The following KCNN3 variants were observed in gnomAD, a reference collection of about 807,000 sequenced individuals.
KCNN3 encodes the protein small conductance calcium-activated potassium channel protein 3.
In KCNN3, 16 loss-of-function variants were observed where a neutral mutation model predicts 62.9. The observed-to-expected ratio is 0.25, with a 90% CI of 0.17 to 0.39. The LOEUF (loss-of-function observed/expected upper bound fraction) is 0.39, where lower values mean the gene tolerates loss of function less well. Among genes scored for constraint, KCNN3 ranks in the 10% least tolerant of loss-of-function variants. KCNN3 has a pLI of 1.00. For missense variants in KCNN3, 599 were observed against 949.4 expected (o/e 0.63, Z 4.85); for synonymous variants, 370 against 389.2 (o/e 0.95, Z 0.58).
intron 2 of KCNN3, among the ~76,000 whole-genome samples, chr1:154,797,163 A>C (rs941453988): frequency 5.9e-5 from 9 of 152,342 alleles, no homozygotes; most frequent in African/African-American, 2.2e-4. Context: ...GACAGCAGTG[A>C]GGCTGGGCTC....
intron 1 of KCNN3, among the ~76,000 whole-genome samples, chr1:154,863,604 C>A (rs1406238093): frequency 6.6e-6 from 1 of 152,208 alleles, no homozygotes; most frequent in Non-Finnish European, 1.5e-5. Context: ...CATCCAGGCC[C>A]CAGATTCTCT....
intron 3 of KCNN3, among the ~76,000 whole-genome samples, chr1:154,761,974 A>G (rs1648038893): frequency 1.3e-5 from 2 of 150,910 alleles, no homozygotes; most frequent in South Asian, 4.2e-4. Context: ...CAAACAAACA[A>G]ACAAACAAAA....
chr1:154,759,819 G>C (rs750376746), intron 3 of KCNN3, among the ~76,000 whole-genome samples: 2 of 152,122 alleles, frequency 1.3e-5, no homozygotes, highest in Non-Finnish European at 2.9e-5. Context: ...AAATAATTTG[G>C]AATAATTTGG....
chr1:154,791,273 G>C (rs1571279825), intron 2 of KCNN3, among the ~76,000 whole-genome samples: 1 of 146,966 alleles, frequency 6.8e-6, no homozygotes, highest in South Asian at 2.1e-4. Context: ...TTTATATTAC[G>C]TGTATCATAC....
At chr1:154,837,956 C>T (rs546251201) in intron 1 of KCNN3, among the ~76,000 whole-genome samples, 10 of 152,310 alleles carry the variant, frequency 6.6e-5, no homozygotes, top group African/African-American at 2.4e-4. Flanking sequence ...GAGGAAGGCG[C>T]TCTCGCAGGG....
chr1:154,782,388 T>A (rs1048679468), intron 2 of KCNN3, among the ~76,000 whole-genome samples: 1 of 152,218 alleles, frequency 6.6e-6, no homozygotes, highest in Admixed American at 6.5e-5. Flanking sequence ...AAGTCTGAGA[T>A]CAGGGTGCCA....
intron 2 of KCNN3, among the ~76,000 whole-genome samples, chr1:154,803,495 G>A (rs571969647): frequency 1.3e-4 from 20 of 152,306 alleles, no homozygotes; most frequent in Non-Finnish European, 2.9e-4. Context: ...TGTCTGCCTT[G>A]AGACAGTTGT....
intron 2 of KCNN3, 77 bp downstream of exon 2, chr1:154,822,012 G>C (rs1414338129): frequency 2.8e-6 from 3 of 1,055,128 alleles, no homozygotes; most frequent in East Asian, 4.8e-5. Flanking sequence ...GTGGGTTTTG[G>C]GGGTGGGGAT....
At chr1:154,788,655 G>A (rs956610341) in intron 2 of KCNN3, among the ~76,000 whole-genome samples, 1 of 152,060 alleles carries the variant, frequency 6.6e-6, no homozygotes, top group Non-Finnish European at 1.5e-5. Context: ...CTGACTCCAC[G>A]GAGCACAGCC....
chr1:154,774,529 G>A (rs531193500), intron 2 of KCNN3, among the ~76,000 whole-genome samples: 41 of 152,312 alleles, frequency 2.7e-4, no homozygotes, highest in African/African-American at 9.4e-4. Flanking sequence ...CCTGAGATCC[G>A]GGCATATGTT....
chr1:154,847,387 C>A (rs1652117760), intron 1 of KCNN3, among the ~76,000 whole-genome samples: 1 of 152,214 alleles, frequency 6.6e-6, no homozygotes. Flanking sequence ...ATGGGAAATG[C>A]CATCACGGAG....
At chr1:154,819,262 G>A (rs538112465) in intron 2 of KCNN3, among the ~76,000 whole-genome samples, 1 of 152,280 alleles carries the variant, frequency 6.6e-6, no homozygotes, top group East Asian at 1.9e-4. Context: ...AAGATTGGGG[G>A]GCTAAGTAAT....
intron 2 of KCNN3, among the ~76,000 whole-genome samples, chr1:154,808,201 T>C (rs893938094): frequency 6.6e-6 from 1 of 152,162 alleles, no homozygotes; most frequent in African/African-American, 2.4e-5. Context: ...TACTACCATT[T>C]TAGACCTGGG....
At chr1:154,719,275 G>T (rs541179136) in intron 5 of KCNN3, among the ~76,000 whole-genome samples, 5 of 152,146 alleles carry the variant, frequency 3.3e-5, no homozygotes, top group Non-Finnish European at 7.3e-5. Context: ...GGTTGGAGAC[G>T]GGGAAAGGGA....
chr1:154,704,042 G>T lies in KCNN3; in HGVS notation c.*3934C>A, dbSNP rs1699917459. 6.6e-6 allele frequency: 1 copy of T among 152,100 alleles called. No individual in the cohort carries two copies. Among genetic ancestry groups the T allele is most frequent in the Non-Finnish European group, 1.5e-5 (1 of 68,018 alleles). The allele number at this position is 152,100 out of a possible 1,614,324, so 9.4% of individuals were successfully genotyped here. ...CTTTTCCATGATTGTTTATTCACAA[G>T]GAAATTATAAAAATTTAAGGGGGAA... On this transcript the variant is annotated 3_prime_UTR_variant, in exon 8 of 8. Coordinates refer to ENST00000271915, the MANE Select transcript of KCNN3 (RefSeq NM_002249.6).
At position 154,766,642 on chromosome 1, in the gene KCNN3, T is replaced by G. The variant is rs1295671508; in HGVS notation, c.1448+5333A>C. Among the ~76,000 whole-genome samples, 3 of 148,876 alleles carry G rather than the reference T, an allele frequency of 2.0e-5. No homozygotes were observed. The East Asian group carries it at 5.9e-4, about 29-fold the overall frequency. ...CATCAACCCCATGTAGGGTGCTTCA[T>G]CCCTGTAATGACCACTTTCCTACTG... On this transcript the variant is annotated intron_variant, in intron 3 of 7. Coordinates refer to ENST00000271915, the MANE Select transcript of KCNN3 (RefSeq NM_002249.6).
chr1:154,785,835 A>G (rs1238471214), intron 2 of KCNN3, among the ~76,000 whole-genome samples: 1 of 151,940 alleles, frequency 6.6e-6, no homozygotes, highest in Non-Finnish European at 1.5e-5. Context: ...TCCTAGCCTC[A>G]TATGATCAGC....
At chr1:154,720,950 A>G (rs1700334322) in intron 5 of KCNN3, among the ~76,000 whole-genome samples, 1 of 152,218 alleles carries the variant, frequency 6.6e-6, no homozygotes, top group South Asian at 2.1e-4. Context: ...CAGGGTCCAG[A>G]GGAGTCAGAA....
chr1:154,720,423 A>C (rs1316014138), intron 5 of KCNN3, among the ~76,000 whole-genome samples: 1 of 152,248 alleles, frequency 6.6e-6, no homozygotes, highest in Non-Finnish European at 1.5e-5. Context: ...AAAGACTTGA[A>C]GACTTGTTCT....
Sources: allele counts gnomAD v4.1 joint callset (sites outside exome capture counted in the v4.1 genomes callset), GRCh38; gene constraint gnomAD v4.1.1; transcripts MANE v1.5; gene names NCBI Gene and HGNC (gene_info 2026-07-23, HGNC 2026-07-21).